HMBOX1: variants seen among roughly 807,000 people sequenced by gnomAD.
HMBOX1 encodes the protein homeobox containing 1.
A neutral mutation model predicts 54.5 loss-of-function variants in HMBOX1; 14 were observed. The ratio of observed to expected loss-of-function variants is 0.26; its 90% CI spans 0.17 to 0.40. HMBOX1 has a LOEUF of 0.40. Ranked by LOEUF, HMBOX1 falls within the 10% of genes least tolerant of loss-of-function variation. The pLI is 1.00. For synonymous variants in HMBOX1, 160 were observed against 181.0 expected, an observed-to-expected ratio of 0.88 and a Z score of 0.93; for missense variants, 332 against 514.4, an observed-to-expected ratio of 0.65 and a Z score of 3.43.
chr8:29,040,558 A>G (rs1305523938), intron 6 of HMBOX1, among the ~76,000 whole-genome samples: 1 of 152,226 alleles, frequency 6.6e-6, no homozygotes, highest in Admixed American at 6.5e-5. Flanking sequence ...AAATAGAGAA[A>G]GAAGAAAGTT....
chr8:28,973,072 T>TG (rs1175139121), intron 3 of HMBOX1, among the ~76,000 whole-genome samples: 1 of 152,176 alleles, frequency 6.6e-6, no homozygotes, highest in Non-Finnish European at 1.5e-5. Context: ...TCTCTGCCAT[T>TG]GCACCCTCAC....
chr8:28,938,272 T>C (rs1175918211), intron 1 of HMBOX1, among the ~76,000 whole-genome samples: 1 of 152,202 alleles, frequency 6.6e-6, no homozygotes, highest in African/African-American at 2.4e-5. Flanking sequence ...TGCAATGTAA[T>C]AGAATTTGTT....
At chr8:28,900,254 CAAAA>C (rs1215445461) in intron 1 of HMBOX1, among the ~76,000 whole-genome samples, 15 of 94,884 alleles carry the variant, frequency 1.6e-4, no homozygotes, top group African/African-American at 5.4e-4. Context: ...GATTCCGTCT[CAAAA>C]AAAAAAAAAA....
chr8:28,898,443 T>C (rs1348435169), intron 1 of HMBOX1, among the ~76,000 whole-genome samples: 1 of 152,224 alleles, frequency 6.6e-6, no homozygotes, highest in African/African-American at 2.4e-5. Context: ...AAATAATGCT[T>C]GAATTAGGGA....
intron 6 of HMBOX1, among the ~76,000 whole-genome samples, chr8:29,025,669 A>C (rs945531012): frequency 1.3e-5 from 2 of 152,132 alleles, no homozygotes; most frequent in Non-Finnish European, 1.5e-5. Flanking sequence ...GAGATTTGGG[A>C]GTCATCAATA....
At chr8:28,924,645 C>CG in intron 1 of HMBOX1, 1 of 152,080 alleles carries the variant, frequency 6.6e-6, no homozygotes, top group South Asian at 2.1e-4. Context: ...GACAGAGTTT[C>CG]GCTCTTGTCC....
chr8:28,898,496 T>C (rs772504421), intron 1 of HMBOX1, among the ~76,000 whole-genome samples: 4 of 152,226 alleles, frequency 2.6e-5, no homozygotes, highest in African/African-American at 9.7e-5. Flanking sequence ...TTCAGCTGTT[T>C]TGGGTTGAAG....
intron 1 of HMBOX1, among the ~76,000 whole-genome samples, chr8:28,900,706 T>C (rs1813094076): frequency 6.6e-6 from 1 of 152,204 alleles, no homozygotes; most frequent in South Asian, 2.1e-4. Context: ...GTATATGAAC[T>C]CTTAAGAAGA....
chr8:29,042,667 G>C (rs1170028855), intron 6 of HMBOX1: 1 of 456,236 alleles, frequency 2.2e-6, no homozygotes, highest in South Asian at 1.5e-5. Context: ...GAGAAGGATG[G>C]AAGAAAATAA....
intron 1 of HMBOX1, among the ~76,000 whole-genome samples, chr8:28,898,653 C>T (rs568188959): frequency 7.9e-5 from 12 of 152,312 alleles, no homozygotes; most frequent in African/African-American, 2.2e-4. Flanking sequence ...TTCTCCCTTC[C>T]AGTTCTGTTT....
chr8:28,947,797 C>T (rs17059566), intron 1 of HMBOX1, among the ~76,000 whole-genome samples: 8,740 of 152,202 alleles, frequency 0.057, 799 homozygotes, highest in East Asian at 0.47. Flanking sequence ...CATGTTCTCA[C>T]GTTACTTTGT....
intron 1 of HMBOX1, among the ~76,000 whole-genome samples, chr8:28,956,952 A>G (rs529157844): frequency 3.9e-5 from 6 of 152,348 alleles, no homozygotes; most frequent in African/African-American, 1.4e-4. Flanking sequence ...ACCATCTCAC[A>G]CCAGTCAGAA....
intron 1 of HMBOX1, among the ~76,000 whole-genome samples, chr8:28,962,159 A>G (rs1825723150): frequency 1.3e-5 from 2 of 152,192 alleles, no homozygotes. Flanking sequence ...AGAAAAAAAT[A>G]ATCTGTCTCC....
chr8:28,956,914 G>A (rs1467244737), intron 1 of HMBOX1, among the ~76,000 whole-genome samples: 1 of 152,172 alleles, frequency 6.6e-6, no homozygotes, highest in African/African-American at 2.4e-5. Context: ...AATCATCAGT[G>A]AAATGCAAAT....
At chr8:28,987,376 TTAAA>T (rs2132552372) in intron 4 of HMBOX1, among the ~76,000 whole-genome samples, 1 of 152,326 alleles carries the variant, frequency 6.6e-6, no homozygotes, top group Admixed American at 6.5e-5. Flanking sequence ...ATGTTAATTG[TTAAA>T]TATACAGGAA....
intron 4 of HMBOX1, among the ~76,000 whole-genome samples, chr8:28,996,743 C>T: frequency 6.6e-6 from 1 of 152,212 alleles, no homozygotes; most frequent in East Asian, 1.9e-4. Flanking sequence ...TTAGCTCTTA[C>T]ATTTGCATCT....
chr8:28,976,709 C>CTTTTTTTTTTTTTTTTTTCT (rs749880362), intron 3 of HMBOX1, among the ~76,000 whole-genome samples: 1 of 135,808 alleles, frequency 7.4e-6, no homozygotes, highest in Non-Finnish European at 1.6e-5. Flanking sequence ...TCTTTTTTTT[C>CTTTTTTTTTTTTTTTTTTCT]TTTTTTTTTT....
intron 1 of HMBOX1, among the ~76,000 whole-genome samples, chr8:28,894,825 G>A (rs1452940447): frequency 6.6e-6 from 1 of 151,776 alleles, no homozygotes; most frequent in African/African-American, 2.4e-5. Context: ...CTTTAGCATG[G>A]TTTTTACCCT....
intron 2 of HMBOX1, among the ~76,000 whole-genome samples, chr8:28,969,782 G>C (rs1827074647): frequency 6.6e-6 from 1 of 152,060 alleles, no homozygotes; most frequent in Non-Finnish European, 1.5e-5. Context: ...TTTTGGTTCT[G>C]ATATTTACCA....
Sources: gnomAD v4.1 joint callset for allele counts (sites outside exome capture counted in the v4.1 genomes callset) on GRCh38, gnomAD v4.1.1 for gene constraint, MANE v1.5 for transcripts, NCBI Gene and HGNC (gene_info 2026-07-23, HGNC 2026-07-21) for gene names.